The following KALRN variants were observed in gnomAD, a reference collection of about 807,000 sequenced individuals.
KALRN encodes kalirin.
Under a neutral mutation model 353.7 loss-of-function variants are expected in KALRN, and 70 were observed. The ratio of observed to expected loss-of-function variants is 0.20; its 90% CI spans 0.16 to 0.24. The LOEUF (loss-of-function observed/expected upper bound fraction) is 0.24. Among genes scored for constraint, KALRN ranks in the 10% least tolerant of loss-of-function variants. The pLI is 1.00. For synonymous variants in KALRN, 1,391 were observed against 1,434.8 expected (o/e 0.97, Z 0.69); for missense variants, 2,791 against 3,756.7 (o/e 0.74, Z 6.72).
intron 34 of KALRN, among the ~76,000 whole-genome samples, chr3:124,612,078 G>A (rs146378514): frequency 1.3e-5 from 2 of 152,320 alleles, no homozygotes; most frequent in East Asian, 1.9e-4. Context: ...AGGCTGGAGG[G>A]CAATGGCACA....
intron 5 of KALRN, among the ~76,000 whole-genome samples, chr3:124,287,587 T>C (rs566620296): frequency 2.6e-5 from 4 of 151,420 alleles, no homozygotes; most frequent in Non-Finnish European, 4.4e-5. Context: ...CATTGGTCTA[T>C]CTTGGTTATT....
intron 1 of KALRN, among the ~76,000 whole-genome samples, chr3:124,073,290 T>A: frequency 6.6e-6 from 1 of 152,224 alleles, no homozygotes; most frequent in South Asian, 2.1e-4. Flanking sequence ...AACAATGCCA[T>A]CTGTGGAGCC....
chr3:124,158,449 G>T (rs928948431), intron 1 of KALRN, among the ~76,000 whole-genome samples: 1 of 152,202 alleles, frequency 6.6e-6, no homozygotes, highest in Non-Finnish European at 1.5e-5. Context: ...AGTAGAAGCC[G>T]GATCTGAGCT....
At chr3:124,224,651 T>A (rs1273151759) in intron 1 of KALRN, among the ~76,000 whole-genome samples, 1 of 152,206 alleles carries the variant, frequency 6.6e-6, no homozygotes, top group African/African-American at 2.4e-5. Flanking sequence ...CAAAATGGGG[T>A]GATCTGCCCC....
At chr3:124,471,955 A>G (rs1163587433) in intron 25 of KALRN, among the ~76,000 whole-genome samples, 5 of 132,048 alleles carry the variant, frequency 3.8e-5, no homozygotes, top group African/African-American at 1.4e-4. Flanking sequence ...TGACAGAGTG[A>G]GACTCCGTCT....
At chr3:124,196,450 T>C (rs1310812130) in intron 1 of KALRN, among the ~76,000 whole-genome samples, 25 of 152,178 alleles carry the variant, frequency 1.6e-4, no homozygotes, top group Admixed American at 1.6e-3. Flanking sequence ...GGGGCAGCAG[T>C]GACAGCCAGG....
chr3:124,092,370 C>G (rs1377004862), intron 1 of KALRN, among the ~76,000 whole-genome samples: 1 of 152,182 alleles, frequency 6.6e-6, no homozygotes, highest in Non-Finnish European at 1.5e-5. Flanking sequence ...ATGCGAGCCT[C>G]CCGTTTCAGA....
intron 34 of KALRN, among the ~76,000 whole-genome samples, chr3:124,578,580 C>T (rs1197817096): frequency 1.3e-5 from 2 of 152,166 alleles, no homozygotes; most frequent in African/African-American, 2.4e-5. Flanking sequence ...GCCATGACTT[C>T]ACATTGAAAT....
In KALRN at chr3:124,590,979, C is replaced by T. The variant is rs554741919; in HGVS notation, c.5182+27890C>T. The stretch of plus-strand genomic sequence containing the variant: ...CATTCCTGGGCATGTGGCTTGTCTT[C>T]GTCTGAACAGAGGCAGGACTGACCC... On this transcript the variant is annotated intron_variant, in intron 34 of 59. Coordinates refer to ENST00000682506, the MANE Select transcript of KALRN (RefSeq NM_001388419.1). Among the ~76,000 whole-genome samples, 6 of 152,276 alleles carry T rather than the reference C, an allele frequency of 3.9e-5. No individual in the cohort carries two copies. In the East Asian group the frequency reaches 9.6e-4, roughly 24 times the overall value.
chr3:124,133,194 G>T (rs139662743), intron 1 of KALRN, among the ~76,000 whole-genome samples: 131 of 152,212 alleles, frequency 8.6e-4, no homozygotes, highest in African/African-American at 2.9e-3. Context: ...TAAAACTTCA[G>T]AACTGTTTTT....
chr3:124,262,014 AAATAT>A lies in KALRN; in HGVS notation c.264-2472_264-2468del, dbSNP rs1304087021. Among the ~76,000 whole-genome samples the A allele has an allele frequency of 5.3e-5, 8 of 152,294 alleles. No individual in the cohort carries two copies. In the South Asian group the frequency reaches 1.7e-3, roughly 32 times the overall value. ...CTAGTAATCAAAGAAATGCAAATTT[AAATAT>A]AATATAATATATTTTTTAATAAAAC... On this transcript the variant is annotated intron_variant, in intron 3 of 59. Transcript: ENST00000682506.
At chr3:124,451,968 A>G (rs548737789) in intron 21 of KALRN, among the ~76,000 whole-genome samples, 4 of 152,342 alleles carry the variant, frequency 2.6e-5, no homozygotes, top group African/African-American at 9.6e-5. Flanking sequence ...CCTCAGGGAA[A>G]CAACCCCAAT....
intron 3 of KALRN, among the ~76,000 whole-genome samples, chr3:124,257,953 A>T (rs2072274166): frequency 1.3e-5 from 2 of 152,202 alleles, no homozygotes; most frequent in African/African-American, 4.8e-5. Flanking sequence ...GATTTGGGCT[A>T]ATAAATATCT....
intron 37 of KALRN, among the ~76,000 whole-genome samples, chr3:124,639,180 T>C (rs1342316928): frequency 6.6e-6 from 1 of 152,222 alleles, no homozygotes; most frequent in African/African-American, 2.4e-5. Flanking sequence ...TTCTCTGGAA[T>C]GTTCTCCCTC....
At chr3:124,293,679 G>A (rs1222740141) in intron 5 of KALRN, among the ~76,000 whole-genome samples, 1 of 152,008 alleles carries the variant, frequency 6.6e-6, no homozygotes, top group Non-Finnish European at 1.5e-5. Flanking sequence ...TCTTCTTAAT[G>A]AGACTAAACT....
At chr3:124,607,247 A>G (rs2077440981) in intron 34 of KALRN, among the ~76,000 whole-genome samples, 1 of 152,254 alleles carries the variant, frequency 6.6e-6, no homozygotes, top group Admixed American at 6.5e-5. Context: ...AGATCCAAAC[A>G]TAGGAAGATC....
intron 1 of KALRN, among the ~76,000 whole-genome samples, chr3:124,214,534 G>A (rs1315128180): frequency 1.3e-5 from 2 of 152,118 alleles, no homozygotes; most frequent in Non-Finnish European, 2.9e-5. Flanking sequence ...CTTTTCCAGG[G>A]AGCTGAAAGA....
intron 9 of KALRN, 43 bp from the exon 10 acceptor site, chr3:124,347,100 T>C (rs967109322): frequency 1.9e-6 from 3 of 1,612,808 alleles, no homozygotes; most frequent in Middle Eastern, 1.7e-4. Flanking sequence ...ATGTCTTTCC[T>C]TCTGCTAGAA....
At chr3:124,204,877 A>G (rs2076277044) in intron 1 of KALRN, among the ~76,000 whole-genome samples, 2 of 152,146 alleles carry the variant, frequency 1.3e-5, no homozygotes, top group South Asian at 2.1e-4. Flanking sequence ...TTCTTTCCAA[A>G]TTATTTCTTA....
Sources: allele counts gnomAD v4.1 joint callset (sites outside exome capture counted in the v4.1 genomes callset), GRCh38; gene constraint gnomAD v4.1.1; transcripts MANE v1.5; gene names NCBI Gene and HGNC (gene_info 2026-07-23, HGNC 2026-07-21).